ADD1: variants seen among roughly 807,000 people sequenced by gnomAD.
The protein encoded by ADD1 is alpha-adducin.
A neutral mutation model predicts 80.5 loss-of-function variants in ADD1; 24 were observed. The ratio of observed to expected loss-of-function variants is 0.30; its 90% CI spans 0.22 to 0.42. The LOEUF (loss-of-function observed/expected upper bound fraction) is 0.42. Ranked by LOEUF, ADD1 falls within the 10% of genes least tolerant of loss-of-function variation. The probability of loss-of-function intolerance (pLI) is 1.00; values close to 1 mark genes in which losing one functional copy is unlikely to be tolerated. For missense variants in ADD1, 948 were observed against 1,019.0 expected, an observed-to-expected ratio of 0.93 and a Z score of 0.95; for synonymous variants, 373 against 393.8, an observed-to-expected ratio of 0.95 and a Z score of 0.63.
chr4:2,903,858 G>T (rs1736602145), intron 9 of ADD1, among the ~76,000 whole-genome samples: 1 of 152,156 alleles, frequency 6.6e-6, no homozygotes, highest in African/African-American at 2.4e-5. Flanking sequence ...CAGATGAGTT[G>T]GTCCAGTAGA....
chr4:2,879,659 G>A (rs1370672024), intron 2 of ADD1, among the ~76,000 whole-genome samples: 1 of 151,730 alleles, frequency 6.6e-6, no homozygotes, highest in East Asian at 1.9e-4. Context: ...GTCTCACTCT[G>A]TCGCCCAGGC....
intron 5 of ADD1, 60 bp from the exon 6 acceptor site, chr4:2,894,522 A>AAG: frequency 6.6e-7 from 1 of 1,504,388 alleles, no homozygotes; most frequent in East Asian, 2.4e-5. Context: ...AAAAAAAAAA[A>AAG]AAAGAAAAGA....
chr4:2,918,379 G>A (rs1739430342), intron 14 of ADD1, among the ~76,000 whole-genome samples: 1 of 152,196 alleles, frequency 6.6e-6, no homozygotes. Flanking sequence ...TTGAGACTTT[G>A]CTGAAGTTGC....
chr4:2,911,067 CACAG>C (rs1737937164), intron 13 of ADD1, among the ~76,000 whole-genome samples: 1 of 152,144 alleles, frequency 6.6e-6, no homozygotes, highest in Non-Finnish European at 1.5e-5. Context: ...AACCTCAAAG[CACAG>C]ACAGTCTTGC....
At position 2,898,171 on chromosome 4, in the gene ADD1, A is replaced by G. The variant is rs1735572069; in HGVS notation, c.742-13A>G. On this transcript the variant is annotated splice_polypyrimidine_tract_variant and intron_variant, in intron 6 of 15. Transcript: ENST00000683351. ...CAGGTTTTCCTTCTTCATGGCGACCATTTGGTCTCTAGGTCTCTGCAATGA... is the reference window on the plus strand; with the variant it reads ...CAGGTTTTCCTTCTTCATGGCGACCGTTTGGTCTCTAGGTCTCTGCAATGA... 2 of 1,602,016 alleles carry G rather than the reference A, an allele frequency of 1.2e-6. No individual in the cohort carries two copies. Among genetic ancestry groups the G allele is most frequent in the Admixed American group, 1.7e-5 (1 of 58,066 alleles).
At chr4:2,925,632 GTGGGTTCAGGACCCTCAGCCACC>G (rs1248177903) in intron 14 of ADD1, among the ~76,000 whole-genome samples, 1 of 152,206 alleles carries the variant, frequency 6.6e-6, no homozygotes, top group Non-Finnish European at 1.5e-5. Context: ...AAGGTGGTGA[GTGGGTTCAGGACCCTCAGCCACC>G]TGCTCAGCAG....
rs575180856 is a variant in ADD1 at position 2,877,952 on chromosome 4, G to A, written c.195+1842G>A. On this transcript the variant is annotated intron_variant, in intron 2 of 15. Transcript: ENST00000683351. ...AGTGCACTCCAGCCTGGGTGACAGAGTGAGACCCTGTCTCCAAAAAAAAAG... is the reference window on the plus strand; with the variant it reads ...AGTGCACTCCAGCCTGGGTGACAGAATGAGACCCTGTCTCCAAAAAAAAAG... Among the ~76,000 whole-genome samples, 3 of 152,284 alleles carry A rather than the reference G, an allele frequency of 2.0e-5. No individual in the cohort carries two copies. In the East Asian group the frequency reaches 5.8e-4, roughly 29 times the overall value.
At chr4:2,856,294 G>A (rs1179207760) in intron 1 of ADD1, among the ~76,000 whole-genome samples, 1 of 152,082 alleles carries the variant, frequency 6.6e-6, no homozygotes, top group Non-Finnish European at 1.5e-5. Context: ...CTCTACTTTT[G>A]TTGTTTCTGT....
In ADD1 at chr4:2,898,481, G is replaced by T; in HGVS notation, c.934G>T (p.Glu312Ter). The change falls in exon 8 of 16, where the codon GAG becomes TAG. Residue 312 changes from glutamate to a stop codon, truncating the protein, a stop_gained. Coordinates refer to ENST00000683351, the MANE Select transcript of ADD1 (RefSeq NM_001354761.2). LOFTEE classifies it high-confidence loss of function. ...GCTCGTGTCAGTTGGAGAGAGCGTT[G>T]AGGAGGCCTTCTATTACATCCATAA... ...HGLVSVGESVEEAFYYIHNLV... is the reference protein window; with the variant it reads ...HGLVSVGESV 6.2e-7 allele frequency: 1 copy of T among 1,614,202 alleles called. No homozygotes were observed. Among genetic ancestry groups the T allele is most frequent in the South Asian group, 1.1e-5 (1 of 91,072 alleles).
intron 1 of ADD1, among the ~76,000 whole-genome samples, chr4:2,852,096 A>G: frequency 6.6e-6 from 1 of 151,888 alleles, no homozygotes; most frequent in South Asian, 2.1e-4. Flanking sequence ...TCAGCCTCCC[A>G]AAGTGCTGGG....
In ADD1 at chr4:2,904,833, G is replaced by C; in HGVS notation, c.1231G>C (p.Glu411Gln). Reference sequence around the variant, plus strand: ...GAAGTCTAAAAAATACAGCGATGTGGAGGTTCCTGCTAGTGTCACAGGTTA... The same window carrying C: ...GAAGTCTAAAAAATACAGCGATGTGCAGGTTCCTGCTAGTGTCACAGGTTA... ...REKSKKYSDV[E>Q]VPASVTGYSF... Residue 411 changes from glutamate to glutamine, a missense_variant, in exon 10 of 16, where the codon GAG becomes CAG. Physicochemically the swap from Glu to Gln is conservative, Grantham distance 29 (BLOSUM62 2). Transcript: ENST00000683351. 1 of 1,614,202 alleles carries C rather than the reference G, an allele frequency of 6.2e-7. No individual in the cohort carries two copies. The highest frequency in any genetic ancestry group is 8.5e-7 in the Non-Finnish European group (1 of 1,180,036).
chr4:2,915,693 C>A (rs141629736), intron 14 of ADD1, among the ~76,000 whole-genome samples: 98 of 152,178 alleles, frequency 6.4e-4, no homozygotes, highest in African/African-American at 2.3e-3. Flanking sequence ...TGTAGTGGCG[C>A]ATGCCTGTAA....
At chr4:2,880,589 C>T (rs1283616433) in intron 2 of ADD1, among the ~76,000 whole-genome samples, 1 of 149,434 alleles carries the variant, frequency 6.7e-6, no homozygotes, top group Non-Finnish European at 1.5e-5. Flanking sequence ...CATTGTCCTG[C>T]CTCAGCCTCC....
intron 4 of ADD1, among the ~76,000 whole-genome samples, chr4:2,892,851 C>CAA (rs201382397): frequency 9.8e-4 from 140 of 142,878 alleles, no homozygotes; most frequent in Non-Finnish European, 1.2e-3. Context: ...AAATAAAAAA[C>CAA]AAAAAAAAAA....
chr4:2,868,668 G>A (rs1167885574), intron 1 of ADD1, among the ~76,000 whole-genome samples: 2 of 152,186 alleles, frequency 1.3e-5, no homozygotes, highest in Non-Finnish European at 2.9e-5. Flanking sequence ...GTACAAACAT[G>A]AGTTAGAAAT....
At position 2,881,899 on chromosome 4, in the gene ADD1, C is replaced by A; in HGVS notation, c.197C>A (p.Ala66Asp). Residue 66 changes from alanine to aspartate, a missense_variant and splice_region_variant, in exon 3 of 16, where the codon GCT becomes GAT. Ala to Asp is a moderately radical substitution (Grantham distance 126). Transcript: ENST00000683351. ...CAGTGTTTTAATATTTTTTATTAGG[C>A]TTTCTGTGAAGAATTGGAATCAATG... ...KRVSMILQSP[A>D]FCEELESMIQ... is the part of the protein sequence containing the mutation. 1 of 1,589,798 alleles carries A rather than the reference C, an allele frequency of 6.3e-7. No individual in the cohort carries two copies. Among genetic ancestry groups the A allele is most frequent in the African/African-American group, 1.4e-5 (1 of 73,534 alleles).
At chr4:2,872,856 G>T (rs1730672389) in intron 1 of ADD1, among the ~76,000 whole-genome samples, 1 of 151,996 alleles carries the variant, frequency 6.6e-6, no homozygotes, top group Non-Finnish European at 1.5e-5. Context: ...CACCACGCCT[G>T]ACCTGTTCCT....
intron 1 of ADD1, among the ~76,000 whole-genome samples, chr4:2,851,966 G>C (rs1011240948): frequency 1.3e-5 from 2 of 151,798 alleles, no homozygotes; most frequent in Non-Finnish European, 2.9e-5. Context: ...AGCCTCCCGA[G>C]TAGCTGAGAT....
At chr4:2,855,764 G>T (rs538774097) in intron 1 of ADD1, among the ~76,000 whole-genome samples, 2 of 151,602 alleles carry the variant, frequency 1.3e-5, no homozygotes, top group South Asian at 4.2e-4. Flanking sequence ...GCAGTGGCGC[G>T]ATCACAGCTC....
Sources: allele counts gnomAD v4.1 joint callset (sites outside exome capture counted in the v4.1 genomes callset), GRCh38; gene constraint gnomAD v4.1.1; transcripts MANE v1.5; gene names NCBI Gene and HGNC (gene_info 2026-07-23, HGNC 2026-07-21).